CUL9: variants seen among roughly 807,000 people sequenced by gnomAD.
CUL9 encodes cullin 9.
Under a neutral mutation model 272.6 loss-of-function variants are expected in CUL9, and 79 were observed. The ratio of observed to expected loss-of-function variants is 0.29; its 90% CI spans 0.24 to 0.35. The LOEUF (loss-of-function observed/expected upper bound fraction) is 0.35, where lower values mean the gene tolerates loss of function less well. Among genes scored for constraint, CUL9 ranks in the 10% least tolerant of loss-of-function variants. The pLI is 1.00. For synonymous variants in CUL9, 1,186 were observed against 1,286.5 expected (o/e 0.92, Z 1.67); for missense variants, 2,532 against 3,255.6 (o/e 0.78, Z 5.41).
Position 43,203,267 on chromosome 6 carries a change from C to T in CUL9, c.3849+63C>T, listed in dbSNP as rs1774766988. The T allele has an allele frequency of 1.9e-6, 3 of 1,602,682 alleles. No individual in the cohort carries two copies. The Admixed American group carries it at 5.0e-5, about 27-fold the overall frequency. On this transcript the variant is annotated intron_variant, in intron 18 of 40. Transcript: ENST00000252050. The surrounding 1 kb of genome is among the most constrained non-coding windows in gnomAD (Gnocchi z 5.0). ...GGTGGCACACAAGTTTCTCCTTGATCTGCTTGGGAGATGGCCCAGGACCTG... is the reference window on the plus strand; with the variant it reads ...GGTGGCACACAAGTTTCTCCTTGATTTGCTTGGGAGATGGCCCAGGACCTG...
At chr6:43,185,875 T>C in intron 3 of CUL9, 80 bp from the exon 4 acceptor site, 1 of 1,507,184 alleles carries the variant, frequency 6.6e-7, no homozygotes, top group South Asian at 1.4e-5. Context: ...TATATTTTTC[T>C]GTAGAGGAGG....
In CUL9 at chr6:43,186,198, C is replaced by T. The variant is rs774729669; in HGVS notation, c.994C>T (p.Arg332Trp). 2.0e-5 allele frequency: 33 copies of T among 1,614,082 alleles called. No homozygotes were observed. The highest frequency in any genetic ancestry group is 2.6e-5 in the Non-Finnish European group (31 of 1,180,042). Residue 332 changes from arginine to tryptophan, a missense_variant, in exon 4 of 41, where the codon CGG (arginine) becomes TGG (tryptophan). Coordinates refer to ENST00000252050, the MANE Select transcript of CUL9 (RefSeq NM_015089.4). ...CAGCGAACAGGGCATGTCACCTCCC[C>T]GGCCAACCCGGTCCATCTTTCAGCC... ...NLSEQGMSPP[R>W]PTRSIFQPYI... is the part of the protein sequence containing the mutation.
At chr6:43,198,195 C>G (rs900902991) in intron 11 of CUL9, 74 of 909,570 alleles carry the variant, frequency 8.1e-5, no homozygotes, top group Non-Finnish European at 9.5e-5. Flanking sequence ...GAGCCAAGAT[C>G]ATGCCACTGC....
At chr6:43,222,723 C>T in intron 37 of CUL9, 56 bp from the exon 38 acceptor site, 9 of 1,606,626 alleles carry the variant, frequency 5.6e-6, no homozygotes, top group Non-Finnish European at 7.7e-6. Context: ...TCGGACTTGC[C>T]TGGGTGAAGG....
Position 43,213,080 on chromosome 6 carries a change from C to T in CUL9, c.5213-69C>T. On this transcript the variant is annotated intron_variant, in intron 26 of 40. Transcript: ENST00000252050. This position sits in a 1 kb window ranked among gnomAD's most constrained non-coding sequence, Gnocchi z 5.7. ...AGGGACTAGTAGGAGCAAAGCTTGA[C>T]ACCTCAACCCCTAAACCCCTTGTTT... is the stretch of plus-strand genomic sequence containing the variant. 1 of 1,555,078 alleles carries T rather than the reference C, an allele frequency of 6.4e-7. No homozygotes were observed. The highest frequency in any genetic ancestry group is 8.8e-7 in the Non-Finnish European group (1 of 1,141,228).
At chr6:43,215,753 T>TA (rs1044075029) in intron 30 of CUL9, among the ~76,000 whole-genome samples, 1 of 152,228 alleles carries the variant, frequency 6.6e-6, no homozygotes, top group African/African-American at 2.4e-5. Flanking sequence ...GCGCCAGTGT[T>TA]AAAATGCAGA....
In CUL9 at chr6:43,216,140, C is replaced by G; in HGVS notation, c.5937-18C>G. 1 of 1,592,514 alleles carries G rather than the reference C, an allele frequency of 6.3e-7. No individual in the cohort carries two copies. The highest frequency in any genetic ancestry group is 1.1e-5 in the South Asian group (1 of 89,668). ...GCAGGGCAGGAATACTGACTTCTGT[C>G]TCTTCCCTCCCCACAAGCCCAGAAG... On this transcript the variant is annotated intron_variant, in intron 30 of 40. Coordinates refer to ENST00000252050, the MANE Select transcript of CUL9 (RefSeq NM_015089.4).
rs758521687 is a variant in CUL9 at position 43,204,538 on chromosome 6, C to G, written c.4338C>G (p.Pro1446=). Residue 1446 remains proline, a splice_region_variant and synonymous_variant, in exon 21 of 41, where the codon CCC becomes CCG. Transcript: ENST00000252050. Reference sequence around the variant, plus strand: ...CTTCTCCTGAGCCATCCACTCGGCCCTGTAAGTCCCAGCTGTGGCCAGTGG... The same window carrying G: ...CTTCTCCTGAGCCATCCACTCGGCCGTGTAAGTCCCAGCTGTGGCCAGTGG... ...PGPSPEPSTR[P]FSKNSKGRDR... is the part of the protein sequence containing the mutation. 4.3e-6 allele frequency: 7 copies of G among 1,613,928 alleles called. No homozygotes were observed. Among genetic ancestry groups the G allele is most frequent in the Admixed American group, 3.3e-5 (2 of 60,008 alleles).
intron 9 of CUL9, 93 bp downstream of exon 9, chr6:43,193,301 CAGTG>C (rs1773694928): frequency 9.3e-7 from 1 of 1,077,334 alleles, no homozygotes; most frequent in Non-Finnish European, 1.4e-6. Flanking sequence ...TGCTTCAGAT[CAGTG>C]AGTAGACTTT....
chr6:43,203,294 T>G lies in CUL9; in HGVS notation c.3849+90T>G, dbSNP rs893672811. On this transcript the variant is annotated intron_variant, in intron 18 of 40. Coordinates refer to ENST00000252050, the MANE Select transcript of CUL9 (RefSeq NM_015089.4). The surrounding 1 kb of genome is among the most constrained non-coding windows in gnomAD (Gnocchi z 5.0). Reference sequence around the variant, plus strand: ...GCTTGGGAGATGGCCCAGGACCTGTTGAGTCCCAGAGATGTGGGGATGTCC... The same window carrying G: ...GCTTGGGAGATGGCCCAGGACCTGTGGAGTCCCAGAGATGTGGGGATGTCC... The G allele has an allele frequency of 6.3e-7, 1 of 1,593,580 alleles. No homozygotes were observed. The highest frequency in any genetic ancestry group is 1.3e-5 in the African/African-American group (1 of 74,546).
Position 43,221,111 on chromosome 6 carries a change from C to T in CUL9, c.6589-47C>T. On this transcript the variant is annotated intron_variant, in intron 33 of 40. Transcript: ENST00000252050. The surrounding 1 kb of genome is among the most constrained non-coding windows in gnomAD (Gnocchi z 4.2). ...CTCTCTCCTGTGCACACCAGCCATG[C>T]TGCCCTCACGGCTCAGCTGTGTCCC... 1.0e-5 allele frequency: 16 copies of T among 1,596,226 alleles called. No individual in the cohort carries two copies. The highest frequency in any genetic ancestry group is 1.4e-5 in the Non-Finnish European group (16 of 1,172,612).
Position 43,205,106 on chromosome 6 carries a change from T to G in CUL9, c.4623T>G (p.Thr1541=), listed in dbSNP as rs751469034. 7 of 1,588,860 alleles carry G rather than the reference T, an allele frequency of 4.4e-6. No individual in the cohort carries two copies. In the South Asian group the frequency reaches 8.0e-5, roughly 18 times the overall value. The stretch of plus-strand genomic sequence containing the variant: ...CCTTGCTGCAGCAGTCCTTCCTCAC[T>G]GCTGCTCACGTGAGTCCCACCAGCT... ...SGALLQQSFL[T]AAHMSEQFAR... is the part of the protein sequence containing the mutation. Residue 1541 remains threonine, a synonymous_variant, in exon 23 of 41, where the codon ACT becomes ACG. Transcript: ENST00000252050.
rs377382298 is a variant in CUL9, at chr6:43,213,107, G to A, written c.5213-42G>A. On this transcript the variant is annotated intron_variant, in intron 26 of 40. Coordinates refer to ENST00000252050, the MANE Select transcript of CUL9 (RefSeq NM_015089.4). The surrounding 1 kb of genome is among the most constrained non-coding windows in gnomAD (Gnocchi z 5.7). ...CCTCAACCCCTAAACCCCTTGTTTC[G>A]CCCATTCTGTGTCTCCACCCTTCTC... is the stretch of plus-strand genomic sequence containing the variant. 1.8e-5 allele frequency: 29 copies of A among 1,603,332 alleles called. No individual in the cohort carries two copies. The highest frequency in any genetic ancestry group is 4.4e-5 in the South Asian group (4 of 89,974).
intron 11 of CUL9, among the ~76,000 whole-genome samples, chr6:43,197,068 T>TG (rs1774063771): frequency 1.3e-5 from 2 of 151,984 alleles, no homozygotes; most frequent in East Asian, 3.9e-4. Flanking sequence ...TTTTTTGAGA[T>TG]GGAGTTTTGC....
intron 26 of CUL9, among the ~76,000 whole-genome samples, chr6:43,211,648 C>T (rs1156820600): frequency 6.6e-6 from 1 of 151,846 alleles, no homozygotes; most frequent in African/African-American, 2.4e-5. Flanking sequence ...TTATTTTCAC[C>T]CTCATTTAAA....
chr6:43,200,833 A>G lies in CUL9; in HGVS notation c.3646A>G (p.Arg1216Gly). 6.2e-7 allele frequency: 1 copy of G among 1,614,230 alleles called. No individual in the cohort carries two copies. Among genetic ancestry groups the G allele is most frequent in the Non-Finnish European group, 8.5e-7 (1 of 1,180,046 alleles). Residue 1216 changes from arginine to glycine, a missense_variant and splice_region_variant, in exon 16 of 41, where the codon AGG (arginine) becomes GGG (glycine). Physicochemically the swap from Arg to Gly is moderately radical, Grantham distance 125. This residue lies in a region of CUL9 where 2,218 missense variants were observed against 2,788.6 expected (regional missense o/e 0.80). Coordinates refer to ENST00000252050, the MANE Select transcript of CUL9 (RefSeq NM_015089.4). The surrounding 1 kb of genome is among the most constrained non-coding windows in gnomAD (Gnocchi z 4.0). ...TLHMHRGVLV[R>G]QLTLLVASED... The stretch of plus-strand genomic sequence containing the variant: ...GCACATGCACCGTGGTGTTCTTGTT[A>G]GGTGTGAACACACATATATGAATGT...
Position 43,187,904 on chromosome 6 carries a change from C to T in CUL9, c.1773C>T (p.Thr591=), listed in dbSNP as rs1773075747. Residue 591 remains threonine (T), a synonymous_variant, in exon 7 of 41, where the codon ACC becomes ACT. Transcript: ENST00000252050. ...SSSTSRNHSC[T]PDPEEESKSE... ...CTACTTCACGAAATCACTCCTGTAC[C>T]CCAGATCCAGAAGAGGAGTCCAAGT... 1 of 1,613,932 alleles carries T rather than the reference C, an allele frequency of 6.2e-7. No individual in the cohort carries two copies.
rs1774801504 is a variant in CUL9 at position 43,203,536 on chromosome 6, A to T, written c.3969A>T (p.Gln1323His). 5.6e-6 allele frequency: 9 copies of T among 1,614,072 alleles called. No individual in the cohort carries two copies. The highest frequency in any genetic ancestry group is 7.6e-6 in the Non-Finnish European group (9 of 1,180,026). Residue 1323 changes from glutamine (Q) to histidine (H), a missense_variant, in exon 19 of 41, where the codon CAA (glutamine) becomes CAT (histidine). This residue lies in a region of CUL9 where 2,218 missense variants were observed against 2,788.6 expected (regional missense o/e 0.80). Transcript: ENST00000252050. The surrounding 1 kb of genome is among the most constrained non-coding windows in gnomAD (Gnocchi z 5.0). ...RTCLFYTIRA[Q>H]AWSRDIAEDH... ...GTCTCTTCTACACAATTCGGGCACA[A>T]GCCTGGAGCCGGGACATAGCAGAGG...
At position 43,203,153 on chromosome 6, in the gene CUL9, C is replaced by A. The variant is rs184505301; in HGVS notation, c.3798C>A (p.Asn1266Lys). ...CCAGCCGGGTGATCCTCTTGGAGAA[C>A]CTGAACCGCTTCTGGCCCATCATCC... ...PSASRVILLE[N>K]LNRFWPIIQI... Residue 1266 changes from asparagine (N) to lysine (K), a missense_variant, in exon 18 of 41, where the codon AAC (asparagine) becomes AAA (lysine). Around this residue, in one of 3 missense-constraint regions of CUL9, gnomAD observed 2,218 missense variants for 2,788.6 expected, o/e 0.80. Coordinates refer to ENST00000252050, the MANE Select transcript of CUL9 (RefSeq NM_015089.4). This position sits in a 1 kb window ranked among gnomAD's most constrained non-coding sequence, Gnocchi z 5.0. The A allele has an allele frequency of 5.6e-6, 9 of 1,614,004 alleles. No homozygotes were observed. Among genetic ancestry groups the A allele is most frequent in the Non-Finnish European group, 7.6e-6 (9 of 1,180,032 alleles).
Sources: allele counts gnomAD v4.1 joint callset (sites outside exome capture counted in the v4.1 genomes callset), GRCh38; gene constraint gnomAD v4.1.1; regional missense constraint gnomAD v4.1.1; non-coding constraint Gnocchi (gnomAD v3.1); transcripts MANE v1.5; gene names NCBI Gene and HGNC (gene_info 2026-07-23, HGNC 2026-07-21).